The following CACNA1I variants were observed in gnomAD, a reference collection of about 807,000 sequenced individuals.
CACNA1I encodes the protein calcium voltage-gated channel subunit alpha1 I.
CACNA1I carries 74 observed loss-of-function variants against 201.6 expected under a neutral mutation model. That is an observed-to-expected ratio of 0.37 (90% CI 0.30 to 0.45). The LOEUF is 0.45. CACNA1I is among the 20% of genes least tolerant of loss of function. The pLI is 1.00. For missense variants in CACNA1I, 2,346 were observed against 3,138.1 expected (o/e 0.75, Z 6.03); for synonymous variants, 1,431 against 1,345.2 (o/e 1.06, Z -1.40).
chr22:39,665,768 G>A lies in CACNA1I; in HGVS notation c.3979-113G>A. The A allele has an allele frequency of 6.5e-7, 1 of 1,545,708 alleles. No homozygotes were observed. The highest frequency in any genetic ancestry group is 1.2e-5 in the South Asian group (1 of 85,778). On this transcript the variant is annotated intron_variant, in intron 22 of 36. Transcript: ENST00000402142. The surrounding 1 kb of genome is among the most constrained non-coding windows in gnomAD (Gnocchi z 5.5). ...CTCCTCCAGGGAGGGAGACAGACAT[G>A]GGCCCAGATGACTGAGCACAAGACA...
chr22:39,573,558 G>A (rs1300339103), intron 1 of CACNA1I, among the ~76,000 whole-genome samples: 3 of 152,126 alleles, frequency 2.0e-5, no homozygotes, highest in East Asian at 1.9e-4. Flanking sequence ...GACGGCAGAC[G>A]AATCACCCCT....
At chr22:39,617,326 G>T (rs1260419684) in intron 3 of CACNA1I, among the ~76,000 whole-genome samples, 2 of 152,204 alleles carry the variant, frequency 1.3e-5, no homozygotes, top group East Asian at 3.9e-4. Flanking sequence ...GTCTGGTGTG[G>T]GCTGGGAGCC....
At chr22:39,650,683 G>A (rs865919621) in intron 10 of CACNA1I, among the ~76,000 whole-genome samples, 1 of 152,246 alleles carries the variant, frequency 6.6e-6, no homozygotes, top group Non-Finnish European at 1.5e-5. Flanking sequence ...GCCCCATGGC[G>A]CTGAGGGCGA....
chr22:39,587,939 A>G lies in CACNA1I; in HGVS notation c.237-10212A>G, dbSNP rs132576. Among the ~76,000 whole-genome samples, 8 of 151,800 alleles carry G rather than the reference A, an allele frequency of 5.3e-5. No homozygotes were observed. In the South Asian group the frequency reaches 8.4e-4, roughly 16 times the overall value. Reference sequence around the variant, plus strand: ...TACAGGCATGTGCCACCATGCCTGGATAATTTTTCTATTTTTAGTAGAGAC... The same window carrying G: ...TACAGGCATGTGCCACCATGCCTGGGTAATTTTTCTATTTTTAGTAGAGAC... On this transcript the variant is annotated intron_variant, in intron 1 of 36. Coordinates refer to ENST00000402142, the MANE Select transcript of CACNA1I (RefSeq NM_021096.4).
At chr22:39,595,312 A>C (rs1227592407) in intron 1 of CACNA1I, among the ~76,000 whole-genome samples, 4 of 150,258 alleles carry the variant, frequency 2.7e-5, no homozygotes, top group Non-Finnish European at 5.9e-5. Flanking sequence ...AATAAACAAA[A>C]ATAAAAAATA....
At chr22:39,601,390 G>C (rs901072231) in intron 3 of CACNA1I, among the ~76,000 whole-genome samples, 6 of 152,240 alleles carry the variant, frequency 3.9e-5, no homozygotes, top group Non-Finnish European at 7.3e-5. Flanking sequence ...AAAGCATGTG[G>C]TTTGCTGAGA....
chr22:39,673,086 AG>A lies in CACNA1I; in HGVS notation c.4783+8del. The A allele has an allele frequency of 1.4e-6, 2 of 1,468,474 alleles. No individual in the cohort carries two copies. Among genetic ancestry groups the A allele is most frequent in the South Asian group, 1.1e-5 (1 of 88,316 alleles). The allele number at this position is 1,468,474 out of a possible 1,614,324, so 91.0% of individuals were successfully genotyped here. ...AGGGTTCTGCGCATTGCCCGAGGTG[AG>A]GGGCAAGGGGTGGGACAGGGAACGG... is the stretch of plus-strand genomic sequence containing the variant. On this transcript the variant is annotated splice_donor_5th_base_variant and intron_variant, in intron 28 of 36. Coordinates refer to ENST00000402142, the MANE Select transcript of CACNA1I (RefSeq NM_021096.4).
chr22:39,603,479 T>G (rs2146373390), intron 3 of CACNA1I, among the ~76,000 whole-genome samples: 1 of 152,350 alleles, frequency 6.6e-6, no homozygotes, highest in Middle Eastern at 3.4e-3. Flanking sequence ...GGATTTCTTG[T>G]TTTTCAGAGT....
rs1286253189 is a variant in CACNA1I, at chr22:39,649,454, G to A, written c.1568-47G>A. ...CAGGGATGTGTCCCAGGGTGGATTGGGCCTGGTGTGGGCAACGACTCTATG... is the reference window on the plus strand; with the variant it reads ...CAGGGATGTGTCCCAGGGTGGATTGAGCCTGGTGTGGGCAACGACTCTATG... On this transcript the variant is annotated intron_variant, in intron 9 of 36. Coordinates refer to ENST00000402142, the MANE Select transcript of CACNA1I (RefSeq NM_021096.4). The surrounding 1 kb of genome is among the most constrained non-coding windows in gnomAD (Gnocchi z 7.3). The A allele has an allele frequency of 6.7e-7, 1 of 1,502,764 alleles. No homozygotes were observed. The highest frequency in any genetic ancestry group is 8.9e-7 in the Non-Finnish European group (1 of 1,121,690). The allele number at this position is 1,502,764 out of a possible 1,614,324, so 93.1% of individuals were successfully genotyped here. A position where few individuals can be genotyped will look rare whatever the true frequency, so the allele number is the denominator to read the frequency against.
rs1485444637 is a variant in CACNA1I, at chr22:39,619,418, C to T, written c.580+11C>T. The T allele has an allele frequency of 6.3e-7, 1 of 1,595,146 alleles. No homozygotes were observed. Among genetic ancestry groups the T allele is most frequent in the East Asian group, 2.2e-5 (1 of 44,816 alleles). ...TCAACCGCGTGCCCAGTGAGTCAGC[C>T]CCGCCCTGTCCACACATTCCTGGCT... On this transcript the variant is annotated intron_variant, in intron 4 of 36. Transcript: ENST00000402142.
chr22:39,611,878 C>G (rs994882042), intron 3 of CACNA1I, among the ~76,000 whole-genome samples: 18 of 152,178 alleles, frequency 1.2e-4, no homozygotes, highest in African/African-American at 3.6e-4. Flanking sequence ...ATTCTTCCCC[C>G]AAATCCCCCC....
chr22:39,608,322 C>T (rs1933281527), intron 3 of CACNA1I, among the ~76,000 whole-genome samples: 1 of 151,922 alleles, frequency 6.6e-6, no homozygotes, highest in Admixed American at 6.6e-5. Context: ...CTGTGATCAC[C>T]CAGTCCAGTG....
At chr22:39,654,303 A>G (rs967423544) in intron 10 of CACNA1I, among the ~76,000 whole-genome samples, 3 of 152,224 alleles carry the variant, frequency 2.0e-5, no homozygotes, top group Admixed American at 6.5e-5. Context: ...ACACCCATGC[A>G]GGCCCTGACT....
At chr22:39,639,861 A>G (rs1934310207) in intron 5 of CACNA1I, among the ~76,000 whole-genome samples, 1 of 152,200 alleles carries the variant, frequency 6.6e-6, no homozygotes, top group Non-Finnish European at 1.5e-5. Context: ...TGTATTAACA[A>G]TCATAGTTGT....
Position 39,684,730 on chromosome 22 carries a change from G to T in CACNA1I, c.6027+232G>T. ...TCCTGGGGACAGCAGAGTGTGGGGA[G>T]GACCCCAAGGCGGGTCTGGAAGAGG... On this transcript the variant is annotated intron_variant, in intron 36 of 36. Transcript: ENST00000402142. The surrounding 1 kb of genome is among the most constrained non-coding windows in gnomAD (Gnocchi z 4.6). 1.6e-6 allele frequency: 1 copy of T among 606,372 alleles called. No individual in the cohort carries two copies. The allele number at this position is 606,372 out of a possible 1,614,324, so 37.6% of individuals were successfully genotyped here.
chr22:39,594,926 C>T (rs1932863007), intron 1 of CACNA1I, among the ~76,000 whole-genome samples: 1 of 152,130 alleles, frequency 6.6e-6, no homozygotes. Flanking sequence ...TTTTCCTATA[C>T]CTGCATACCT....
chr22:39,674,377 G>A (rs1387454852), intron 29 of CACNA1I, among the ~76,000 whole-genome samples: 2 of 152,204 alleles, frequency 1.3e-5, no homozygotes, highest in Non-Finnish European at 2.9e-5. Flanking sequence ...AGAGAGAGAA[G>A]AGTGCCAGAC....
intron 11 of CACNA1I, 139 bp from the exon 12 acceptor site, chr22:39,658,792 C>T (rs957577129): frequency 1.6e-5 from 12 of 745,662 alleles, no homozygotes; most frequent in African/African-American, 8.8e-5. Context: ...CGTGGAGCAG[C>T]ATCCAACATA....
intron 20 of CACNA1I, among the ~76,000 whole-genome samples, 160 bp downstream of exon 20, chr22:39,664,319 C>T (rs901463737): frequency 1.3e-5 from 2 of 151,582 alleles, no homozygotes; most frequent in Non-Finnish European, 3.0e-5. Context: ...GCTGGGCTCC[C>T]GCGACCCAGA....
Sources: gnomAD v4.1 joint callset for allele counts (sites outside exome capture counted in the v4.1 genomes callset) on GRCh38, gnomAD v4.1.1 for gene constraint, Gnocchi (gnomAD v3.1) non-coding constraint, MANE v1.5 for transcripts, NCBI Gene and HGNC (gene_info 2026-07-23, HGNC 2026-07-21) for gene names.